The following ABCB1 variants were observed in gnomAD, a reference collection of about 807,000 sequenced individuals.
ABCB1 encodes the protein ATP-dependent translocase ABCB1.
A neutral mutation model predicts 142.0 loss-of-function variants in ABCB1; 69 were observed. The ratio of observed to expected loss-of-function variants is 0.49; its 90% CI spans 0.40 to 0.59. The LOEUF is 0.59. Ranked by LOEUF, ABCB1 falls within the 20% of genes least tolerant of loss-of-function variation. The probability of loss-of-function intolerance (pLI) is 0.00; values close to 1 mark genes in which losing one functional copy is unlikely to be tolerated. For synonymous variants in ABCB1, 532 were observed against 539.2 expected (o/e 0.99, Z 0.18); for missense variants, 1,326 against 1,554.7 (o/e 0.85, Z 2.47).
At chr7:87,573,318 C>T (rs537920006) in intron 4 of ABCB1, among the ~76,000 whole-genome samples, 6 of 152,158 alleles carry the variant, frequency 3.9e-5, no homozygotes, top group Non-Finnish European at 8.8e-5. Context: ...GATGCTTCTC[C>T]CTTAGTCTCA....
intron 1 of ABCB1, among the ~76,000 whole-genome samples, chr7:87,687,425 C>G (rs1827576034): frequency 6.6e-6 from 1 of 152,116 alleles, no homozygotes; most frequent in Non-Finnish European, 1.5e-5. Flanking sequence ...CTCAAGCACT[C>G]CTGACCTCTT....
chr7:87,567,979 C>T (rs1817849738), intron 5 of ABCB1, among the ~76,000 whole-genome samples: 1 of 151,702 alleles, frequency 6.6e-6, no homozygotes, highest in African/African-American at 2.4e-5. Context: ...ACTGTAGTCC[C>T]AGCTACTTGG....
intron 1 of ABCB1, among the ~76,000 whole-genome samples, chr7:87,612,966 A>C (rs777717633): frequency 3.4e-5 from 5 of 147,234 alleles, no homozygotes; most frequent in Non-Finnish European, 7.5e-5. Flanking sequence ...GTTCCTTTAG[A>C]GATCTTTCAC....
At chr7:87,581,252 C>T (rs756111181) in intron 4 of ABCB1, among the ~76,000 whole-genome samples, 1 of 152,096 alleles carries the variant, frequency 6.6e-6, no homozygotes, top group Non-Finnish European at 1.5e-5. Context: ...CCACCACACC[C>T]AGCTTCTAGT....
Position 87,503,238 on chromosome 7 carries a change from T to C in ABCB1, c.*1005A>G, listed in dbSNP as rs760385430. Among the ~76,000 whole-genome samples, 8 of 152,088 alleles carry C rather than the reference T, an allele frequency of 5.3e-5. No homozygotes were observed. Among genetic ancestry groups the C allele is most frequent in the African/African-American group, 1.2e-4 (5 of 41,452 alleles). On this transcript the variant is annotated 3_prime_UTR_variant, in exon 28 of 28. Transcript: ENST00000622132. Reference sequence around the variant, plus strand: ...GTTGCTTATTTAAGATAGCAATTGTTTATAGTAAATATAGTTTATAATGTT... The same window carrying C: ...GTTGCTTATTTAAGATAGCAATTGTCTATAGTAAATATAGTTTATAATGTT...
intron 1 of ABCB1, among the ~76,000 whole-genome samples, chr7:87,701,218 TATAAAC>T (rs1338447334): frequency 6.6e-6 from 1 of 152,222 alleles, no homozygotes; most frequent in African/African-American, 2.4e-5. Context: ...AAGAAAAACT[TATAAAC>T]ATAATTTTTT....
chr7:87,530,991 G>T (rs1816032361), intron 21 of ABCB1, among the ~76,000 whole-genome samples: 1 of 151,850 alleles, frequency 6.6e-6, no homozygotes. Flanking sequence ...GAAAGTGAGA[G>T]AAAAGAAAGA....
chr7:87,595,367 G>A (rs28381816), intron 3 of ABCB1, among the ~76,000 whole-genome samples: 2,247 of 152,074 alleles, frequency 0.015, 57 homozygotes, highest in African/African-American at 0.051. Flanking sequence ...CCTAAAATTT[G>A]CATAGTAATA....
chr7:87,695,053 G>A (rs535285216), intron 1 of ABCB1, among the ~76,000 whole-genome samples: 20 of 152,204 alleles, frequency 1.3e-4, no homozygotes, highest in African/African-American at 4.6e-4. Context: ...TGATATACTT[G>A]AAGTGTCCTG....
chr7:87,610,412 T>A (rs59656558), intron 1 of ABCB1, among the ~76,000 whole-genome samples: 2 of 139,144 alleles, frequency 1.4e-5, no homozygotes, highest in African/African-American at 5.3e-5. Flanking sequence ...TTTTTTTTTT[T>A]TTTTTTTTTT....
chr7:87,565,173 A>G (rs1183815499), intron 7 of ABCB1, among the ~76,000 whole-genome samples: 3 of 152,244 alleles, frequency 2.0e-5, no homozygotes, highest in Admixed American at 6.5e-5. Flanking sequence ...TATCCATTAT[A>G]CAGGTTAAAA....
chr7:87,639,642 T>G (rs1822227155), intron 1 of ABCB1, among the ~76,000 whole-genome samples: 1 of 152,176 alleles, frequency 6.6e-6, no homozygotes, highest in Admixed American at 6.5e-5. Context: ...GAAATGTCCC[T>G]CATTATCTCT....
intron 1 of ABCB1, among the ~76,000 whole-genome samples, chr7:87,701,699 A>G (rs1366973365): frequency 3.9e-5 from 6 of 152,232 alleles, no homozygotes; most frequent in African/African-American, 1.4e-4. Context: ...TGAAAAGACT[A>G]TTAAAAGATT....
intron 1 of ABCB1, among the ~76,000 whole-genome samples, chr7:87,679,563 G>T (rs1372724299): frequency 2.0e-5 from 3 of 149,882 alleles, no homozygotes; most frequent in South Asian, 2.1e-4. Context: ...CTAATTTTTT[G>T]ATTTTTTATA....
At chr7:87,527,309 GA>G (rs1254415027) in intron 21 of ABCB1, among the ~76,000 whole-genome samples, 20 of 152,134 alleles carry the variant, frequency 1.3e-4, no homozygotes, top group Admixed American at 1.3e-3. Flanking sequence ...GCACCCATGT[GA>G]AAGCTGCATT....
chr7:87,692,969 C>T (rs951198270), intron 1 of ABCB1, among the ~76,000 whole-genome samples: 5 of 151,200 alleles, frequency 3.3e-5, no homozygotes, highest in African/African-American at 1.2e-4. Flanking sequence ...TATGTATCTC[C>T]TTCCTTTCAT....
intron 1 of ABCB1, among the ~76,000 whole-genome samples, chr7:87,616,443 T>G (rs1215214205): frequency 6.6e-6 from 1 of 152,228 alleles, no homozygotes; most frequent in Non-Finnish European, 1.5e-5. Flanking sequence ...TTTGTTTTGT[T>G]TTAAGCAGAA....
At chr7:87,675,683 AGAAG>A (rs1415410026) in intron 1 of ABCB1, among the ~76,000 whole-genome samples, 3 of 150,920 alleles carry the variant, frequency 2.0e-5, no homozygotes, top group African/African-American at 7.3e-5. Context: ...GGAAAAAGAA[AGAAG>A]GAAAGAAAGA....
At chr7:87,569,912 A>T (rs1298534286) in intron 5 of ABCB1, among the ~76,000 whole-genome samples, 2 of 152,130 alleles carry the variant, frequency 1.3e-5, no homozygotes, top group African/African-American at 4.8e-5. Context: ...GACTACCTTA[A>T]ACTCCTCTAA....
Sources: allele counts gnomAD v4.1 joint callset (sites outside exome capture counted in the v4.1 genomes callset), GRCh38; gene constraint gnomAD v4.1.1; transcripts MANE v1.5; gene names NCBI Gene and HGNC (gene_info 2026-07-23, HGNC 2026-07-21).